Variants in WNK2 observed in about 807,000 individuals in gnomAD.
WNK2 encodes serine/threonine-protein kinase WNK2.
Under a neutral mutation model 192.1 loss-of-function variants are expected in WNK2, and 67 were observed. That is an observed-to-expected ratio of 0.35 (90% confidence interval 0.29 to 0.43). The LOEUF (loss-of-function observed/expected upper bound fraction) is 0.43. Among genes scored for constraint, WNK2 ranks in the 20% least tolerant of loss-of-function variants. The pLI, the probability that WNK2 is intolerant of heterozygous loss-of-function variation, is 1.00. For missense variants in WNK2, 2,698 were observed against 3,089.7 expected (o/e 0.87, Z 3.01); for synonymous variants, 1,439 against 1,393.9 (o/e 1.03, Z -0.72).
chr9:93,306,695 T>C, intron 26 of WNK2, 82 bp from the exon 27 acceptor site: 1 of 1,566,178 alleles, frequency 6.4e-7, no homozygotes. Flanking sequence ...ACTGACGACT[T>C]TTGCTTAGTG....
At chr9:93,280,110 A>G (rs746373838) in intron 19 of WNK2, among the ~76,000 whole-genome samples, 1 of 152,260 alleles carries the variant, frequency 6.6e-6, no homozygotes, top group African/African-American at 2.4e-5. Context: ...GAATGAAAAC[A>G]TAAGCTAGAG....
intron 2 of WNK2, among the ~76,000 whole-genome samples, chr9:93,206,421 C>T (rs1348542232): frequency 6.6e-6 from 1 of 152,200 alleles, no homozygotes; most frequent in Admixed American, 6.5e-5. Context: ...CATGCACTTG[C>T]CCTGGCTCCA....
intron 9 of WNK2, among the ~76,000 whole-genome samples, chr9:93,256,077 T>C (rs4744205): frequency 0.96 from 146,774 of 152,258 alleles, 70,804 homozygotes; most frequent in African/African-American, 0.99. Flanking sequence ...GTGGGGCTGA[T>C]GTGCCCGGGC....
intron 8 of WNK2, among the ~76,000 whole-genome samples, chr9:93,248,559 G>A (rs1463646702): frequency 6.6e-6 from 1 of 152,228 alleles, no homozygotes; most frequent in East Asian, 1.9e-4. Context: ...AACAGAGTGT[G>A]CTGCTTGCTG....
intron 2 of WNK2, among the ~76,000 whole-genome samples, chr9:93,211,650 CCACT>C (rs1319898081): frequency 6.7e-6 from 1 of 150,354 alleles, no homozygotes; most frequent in Non-Finnish European, 1.5e-5. Flanking sequence ...ACTCACCCAC[CCACT>C]CATTCACTCA....
At chr9:93,227,553 C>G (rs937346676) in intron 2 of WNK2, among the ~76,000 whole-genome samples, 1 of 152,158 alleles carries the variant, frequency 6.6e-6, no homozygotes, top group African/African-American at 2.4e-5. Context: ...GGTGAAGTAT[C>G]TGTTCATGTG....
chr9:93,297,097 G>A (rs1265310836), intron 23 of WNK2, among the ~76,000 whole-genome samples: 4 of 111,718 alleles, frequency 3.6e-5, no homozygotes, highest in South Asian at 3.3e-4. Flanking sequence ...TCCTCCCCTC[G>A]GCTTCCTCCC....
intron 2 of WNK2, among the ~76,000 whole-genome samples, chr9:93,187,727 G>A (rs1829595947): frequency 6.6e-6 from 1 of 151,998 alleles, no homozygotes; most frequent in African/African-American, 2.4e-5. Flanking sequence ...TGTGTGTAGA[G>A]TGGTGTAGGC....
intron 28 of WNK2, chr9:93,308,903 C>G: frequency 1.7e-6 from 2 of 1,202,058 alleles, no homozygotes. Context: ...GCAGGTAGCC[C>G]TGGTCTTGGC....
chr9:93,221,121 G>C (rs1836804365), intron 2 of WNK2, among the ~76,000 whole-genome samples: 1 of 152,234 alleles, frequency 6.6e-6, no homozygotes, highest in African/African-American at 2.4e-5. Context: ...GCGGGGCCCA[G>C]CACAGAGGGC....
At chr9:93,269,577 G>A (rs1478146383) in intron 19 of WNK2, among the ~76,000 whole-genome samples, 1 of 152,184 alleles carries the variant, frequency 6.6e-6, no homozygotes, top group Admixed American at 6.5e-5. Flanking sequence ...TGAGAAATCA[G>A]AGAGAAGCAG....
At chr9:93,306,930 C>A in intron 27 of WNK2, 109 bp downstream of exon 27, 1 of 1,397,646 alleles carries the variant, frequency 7.2e-7, no homozygotes, top group Non-Finnish European at 1.0e-6. Context: ...CTGCCCTGTG[C>A]CTGCCCCGCG....
intron 7 of WNK2, among the ~76,000 whole-genome samples, 159 bp downstream of exon 7, chr9:93,240,135 C>G (rs1210643676): frequency 1.3e-5 from 2 of 152,126 alleles, no homozygotes; most frequent in Non-Finnish European, 2.9e-5. Context: ...CAGCTGAGGT[C>G]TCACAGCCTG....
chr9:93,306,857 C>G (rs996927029), intron 27 of WNK2, 36 bp downstream of exon 27: 3 of 1,613,858 alleles, frequency 1.9e-6, no homozygotes, highest in Non-Finnish European at 2.5e-6. Context: ...TGTCCTCTCT[C>G]ATCGCATGGG....
At chr9:93,252,651 C>T (rs1842747884) in intron 8 of WNK2, among the ~76,000 whole-genome samples, 1 of 152,200 alleles carries the variant, frequency 6.6e-6, no homozygotes, top group Non-Finnish European at 1.5e-5. Flanking sequence ...GCACGATGTA[C>T]CCGCCCTGAC....
rs541543058 is a variant in WNK2, at chr9:93,247,318, G to A, written c.1543-225G>A. Among the ~76,000 whole-genome samples the A allele has an allele frequency of 6.6e-6, 1 of 152,332 alleles. No individual in the cohort carries two copies. Among genetic ancestry groups the A allele is most frequent in the East Asian group, 1.9e-4 (1 of 5,178 alleles). On this transcript the variant is annotated intron_variant, in intron 7 of 29. Transcript: ENST00000427277. The surrounding 1 kb of genome is among the most constrained non-coding windows in gnomAD (Gnocchi z 5.2). Reference sequence around the variant, plus strand: ...GCTTTGCTCTTGCTGTGGACTCTGCGGGATGCAGGTCAGGCCTGCGTGGTG... The same window carrying A: ...GCTTTGCTCTTGCTGTGGACTCTGCAGGATGCAGGTCAGGCCTGCGTGGTG...
intron 2 of WNK2, among the ~76,000 whole-genome samples, chr9:93,227,227 C>T (rs1294747108): frequency 6.6e-6 from 1 of 151,968 alleles, no homozygotes; most frequent in African/African-American, 2.4e-5. Context: ...CATTCTCCTA[C>T]CTCAGCCTCC....
At chr9:93,244,051 C>T (rs1349021567) in intron 7 of WNK2, among the ~76,000 whole-genome samples, 5 of 152,244 alleles carry the variant, frequency 3.3e-5, no homozygotes. Context: ...CTGTATCCTG[C>T]TGCATGATTT....
At position 93,267,628 on chromosome 9, in the gene WNK2, C is replaced by T. The variant is rs528403597; in HGVS notation, c.3697-118C>T. The T allele has an allele frequency of 3.2e-6, 4 of 1,235,722 alleles. No individual in the cohort carries two copies. The African/African-American group carries it at 4.6e-5, about 14-fold the overall frequency. The allele number at this position is 1,235,722 out of a possible 1,614,324, so 76.5% of individuals were successfully genotyped here. On this transcript the variant is annotated intron_variant, in intron 16 of 29. Coordinates refer to ENST00000427277, the MANE Select transcript of WNK2 (RefSeq NM_006648.4). ...CCAGCCCCTGTCTTGGGGACTGCAC[C>T]CTTTCACCATTCTTCCCTTGGGGCC...
Sources: allele counts gnomAD v4.1 joint callset (sites outside exome capture counted in the v4.1 genomes callset), GRCh38; gene constraint gnomAD v4.1.1; non-coding constraint Gnocchi (gnomAD v3.1); transcripts MANE v1.5; gene names NCBI Gene and HGNC (gene_info 2026-07-23, HGNC 2026-07-21).